Variants in UBE2W observed in about 807,000 individuals in gnomAD.
UBE2W encodes the protein ubiquitin conjugating enzyme E2 W.
Under a neutral mutation model 27.2 loss-of-function variants are expected in UBE2W, and 18 were observed. The observed-to-expected ratio is 0.66, with a 90% CI of 0.46 to 0.98. UBE2W has a LOEUF of 0.98. Ranked by LOEUF, UBE2W falls within the 50% of genes least tolerant of loss-of-function variation. The probability of loss-of-function intolerance (pLI) is 0.00; values close to 1 mark genes in which losing one functional copy is unlikely to be tolerated. For synonymous variants in UBE2W, 53 were observed against 57.2 expected, an observed-to-expected ratio of 0.93 and a Z score of 0.33; for missense variants, 90 against 180.2, an observed-to-expected ratio of 0.50 and a Z score of 2.87.
At chr8:73,851,281 T>C (rs1421577653) in intron 1 of UBE2W, among the ~76,000 whole-genome samples, 1 of 151,844 alleles carries the variant, frequency 6.6e-6, no homozygotes, top group African/African-American at 2.4e-5. Flanking sequence ...AGGCAGGTGT[T>C]TGTTAGGAGA....
chr8:73,828,037 A>G (rs971327854), intron 2 of UBE2W, among the ~76,000 whole-genome samples: 4 of 152,166 alleles, frequency 2.6e-5, no homozygotes, highest in Admixed American at 2.0e-4. Context: ...TTTTGTGCAC[A>G]CTTAAATTAC....
intron 1 of UBE2W, among the ~76,000 whole-genome samples, chr8:73,857,830 TAAATAA>T (rs747077475): frequency 1.3e-5 from 2 of 151,230 alleles, no homozygotes; most frequent in Non-Finnish European, 2.9e-5. Context: ...AAAATAATGA[TAAATAA>T]AAATAAAAAT....
At chr8:73,852,705 A>G (rs1429092637) in intron 1 of UBE2W, among the ~76,000 whole-genome samples, 1 of 152,226 alleles carries the variant, frequency 6.6e-6, no homozygotes, top group Non-Finnish European at 1.5e-5. Flanking sequence ...AATGTCATAA[A>G]GCATGTGGTG....
At chr8:73,781,836 T>C (rs1335465921), downstream of UBE2W, among the ~76,000 whole-genome samples, 1 of 151,928 alleles carries the variant, frequency 6.6e-6, no homozygotes, top group Non-Finnish European at 1.5e-5. Context: ...TTAAAGTGTG[T>C]GATTTTGGAC....
chr8:73,878,003 G>C (rs1226658572), intron 1 of UBE2W, among the ~76,000 whole-genome samples: 2 of 150,812 alleles, frequency 1.3e-5, no homozygotes, highest in Non-Finnish European at 3.0e-5. Flanking sequence ...TGGGAATAAG[G>C]GCAAAGAGAT....
intron 3 of UBE2W, among the ~76,000 whole-genome samples, chr8:73,811,458 C>T (rs954471907): frequency 6.6e-6 from 1 of 152,106 alleles, no homozygotes; most frequent in Non-Finnish European, 1.5e-5. Flanking sequence ...AATCTGTAAG[C>T]ATAGTCCAAA....
At chr8:73,854,013 G>A (rs1292755798) in intron 1 of UBE2W, among the ~76,000 whole-genome samples, 2 of 152,080 alleles carry the variant, frequency 1.3e-5, no homozygotes, top group Non-Finnish European at 2.9e-5. Flanking sequence ...GCTGGGCGTG[G>A]TGGTGCACGC....
intron 2 of UBE2W, among the ~76,000 whole-genome samples, chr8:73,826,001 A>C (rs926865694): frequency 2.0e-5 from 3 of 152,184 alleles, no homozygotes; most frequent in Non-Finnish European, 2.9e-5. Flanking sequence ...ATAGACAATG[A>C]CCACAGAGAA....
chr8:73,792,125 A>G lies in UBE2W; in HGVS notation c.*1977T>C, dbSNP rs1048404506. 17 of 985,210 alleles carry G rather than the reference A, an allele frequency of 1.7e-5. No homozygotes were observed. The African/African-American group carries it at 2.8e-4, about 16-fold the overall frequency. 61.0% of individuals were successfully genotyped at this position (985,210 alleles called of 1,614,324 possible). Reference sequence around the variant, plus strand: ...AGTTACGCAAAATATGAAAATACATAATTTACAGCTGCAATTTTCATATTA... The same window carrying G: ...AGTTACGCAAAATATGAAAATACATGATTTACAGCTGCAATTTTCATATTA... On this transcript the variant is annotated 3_prime_UTR_variant, in exon 6 of 6. Transcript: ENST00000602593.
chr8:73,865,007 A>C, intron 1 of UBE2W, among the ~76,000 whole-genome samples: 1 of 152,064 alleles, frequency 6.6e-6, no homozygotes, highest in East Asian at 1.9e-4. Flanking sequence ...GCCTTCACGT[A>C]TACAAAGGAA....
chr8:73,829,638 G>A (rs1353015799), intron 2 of UBE2W, among the ~76,000 whole-genome samples: 1 of 150,144 alleles, frequency 6.7e-6, no homozygotes, highest in Non-Finnish European at 1.5e-5. Flanking sequence ...TTAAAGCTTT[G>A]ACCCCTGTCT....
rs983852440 is a variant in UBE2W at position 73,786,441 on chromosome 8, A to G, written c.*7661T>C. The G allele has an allele frequency of 1.0e-6, 1 of 984,616 alleles. No homozygotes were observed. Among genetic ancestry groups the G allele is most frequent in the African/African-American group, 1.7e-5 (1 of 57,222 alleles). 61.0% of individuals were successfully genotyped at this position (984,616 alleles called of 1,614,324 possible). A position where few individuals can be genotyped will look rare whatever the true frequency, so the allele number is the denominator to read the frequency against. On this transcript the variant is annotated 3_prime_UTR_variant, in exon 6 of 6. Coordinates refer to ENST00000602593, the MANE Select transcript of UBE2W (RefSeq NM_018299.6). ...TGCCTATGTGCTACAGGTACTGTAT[A>G]CTAGGTACTGTGTGCTACGTGCTGG...
In UBE2W at chr8:73,789,905, T is replaced by G. The variant is rs1426363879; in HGVS notation, c.*4197A>C. On this transcript the variant is annotated 3_prime_UTR_variant, in exon 6 of 6. Transcript: ENST00000602593. ...TCTCAAAATGACTTAGAAATTTAAATGGAAAAAATAAATAATTTGCTTGGA... is the reference window on the plus strand; with the variant it reads ...TCTCAAAATGACTTAGAAATTTAAAGGGAAAAAATAAATAATTTGCTTGGA... 6.1e-6 allele frequency: 6 copies of G among 978,310 alleles called. No homozygotes were observed. The Admixed American group carries it at 2.5e-4, about 40-fold the overall frequency. 60.6% of individuals were successfully genotyped at this position (978,310 alleles called of 1,614,324 possible). A position where few individuals can be genotyped will look rare whatever the true frequency, so the allele number is the denominator to read the frequency against.
chr8:73,790,056 A>G lies in UBE2W; in HGVS notation c.*4046T>C, dbSNP rs1045636681. On this transcript the variant is annotated 3_prime_UTR_variant, in exon 6 of 6. Transcript: ENST00000602593. ...AGTCAATTATTCAACAAATTTAGCC[A>G]TCTACTGACAAACTGAAATTAGTAT... The G allele has an allele frequency of 2.4e-5, 24 of 985,214 alleles. No homozygotes were observed. The highest frequency in any genetic ancestry group is 2.9e-5 in the Non-Finnish European group (24 of 829,876). 61.0% of individuals were successfully genotyped at this position (985,214 alleles called of 1,614,324 possible). A position where few individuals can be genotyped will look rare whatever the true frequency, so the allele number is the denominator to read the frequency against.
At chr8:73,826,290 A>G (rs1359111393) in intron 2 of UBE2W, among the ~76,000 whole-genome samples, 1 of 152,212 alleles carries the variant, frequency 6.6e-6, no homozygotes, top group East Asian at 1.9e-4. Flanking sequence ...AGAATAAGGG[A>G]TAATGACAGC....
chr8:73,848,106 C>T (rs143402025), intron 1 of UBE2W, among the ~76,000 whole-genome samples: 2,303 of 152,088 alleles, frequency 0.015, 26 homozygotes, highest in Non-Finnish European at 0.025. Flanking sequence ...GAGGCTGAGG[C>T]AAGAGAATCG....
chr8:73,818,309 G>A (rs947852924), intron 3 of UBE2W, among the ~76,000 whole-genome samples: 1 of 151,984 alleles, frequency 6.6e-6, no homozygotes, highest in Non-Finnish European at 1.5e-5. Flanking sequence ...CTTCCAAAAC[G>A]TCCACTGCTA....
chr8:73,853,130 A>G (rs770820693), intron 1 of UBE2W, among the ~76,000 whole-genome samples: 2 of 152,198 alleles, frequency 1.3e-5, no homozygotes, highest in African/African-American at 2.4e-5. Flanking sequence ...TGCCATGTGA[A>G]GATACAGTCA....
At chr8:73,862,143 C>G (rs1167736159) in intron 1 of UBE2W, among the ~76,000 whole-genome samples, 2 of 152,246 alleles carry the variant, frequency 1.3e-5, no homozygotes, top group South Asian at 2.1e-4. Context: ...TTAAAATTAC[C>G]TGAAGGCCAG....
Sources: gnomAD v4.1 joint callset for allele counts (sites outside exome capture counted in the v4.1 genomes callset) on GRCh38, gnomAD v4.1.1 for gene constraint, MANE v1.5 for transcripts, NCBI Gene and HGNC (gene_info 2026-07-23, HGNC 2026-07-21) for gene names.